Variants in LRRC74A observed in about 807,000 individuals in gnomAD.
The protein encoded by LRRC74A is leucine-rich repeat-containing protein 74A.
LRRC74A carries 44 observed loss-of-function variants against 57.9 expected under a neutral mutation model. The observed-to-expected ratio is 0.76, with a 90% CI of 0.60 to 0.98. The LOEUF is 0.98. Among genes scored for constraint, LRRC74A ranks in the 50% least tolerant of loss-of-function variants. The pLI is 0.00. For synonymous variants in LRRC74A, 211 were observed against 219.4 expected (o/e 0.96, Z 0.34); for missense variants, 572 against 574.0 (o/e 1.00, Z 0.04).
At chr14:76,831,478 C>A in intron 3 of LRRC74A, 103 bp downstream of exon 3, 1 of 1,248,844 alleles carries the variant, frequency 8.0e-7, no homozygotes, top group Non-Finnish European at 1.1e-6. Flanking sequence ...CCTAAACCCA[C>A]ACTTTATGCC....
intron 6 of LRRC74A, 129 bp downstream of exon 6, chr14:76,844,601 C>A: frequency 4.3e-6 from 4 of 940,044 alleles, no homozygotes; most frequent in Non-Finnish European, 6.6e-6. Context: ...GTGTTTAGAC[C>A]CTGCCAACCC....
chr14:76,847,097 C>T (rs1243346890), intron 7 of LRRC74A, among the ~76,000 whole-genome samples: 3 of 151,910 alleles, frequency 2.0e-5, no homozygotes, highest in Admixed American at 2.0e-4. Context: ...AGGAGGGAAA[C>T]CAGAAAAGCG....
intron 13 of LRRC74A, 84 bp from the exon 14 acceptor site, chr14:76,870,041 G>T (rs1176426447): frequency 6.8e-7 from 1 of 1,473,320 alleles, no homozygotes; most frequent in Non-Finnish European, 9.3e-7. Context: ...GTCTCCTTTG[G>T]ATTTAAGCCT....
At chr14:76,860,645 C>T (rs759563918) in intron 10 of LRRC74A, 48 bp from the exon 11 acceptor site, 49 of 1,531,568 alleles carry the variant, frequency 3.2e-5, no homozygotes, top group South Asian at 3.7e-5. Flanking sequence ...TGGGCAGGCA[C>T]GATGGCAGTG....
intron 2 of LRRC74A, among the ~76,000 whole-genome samples, chr14:76,829,915 T>A (rs1335398914): frequency 1.3e-5 from 2 of 152,122 alleles, no homozygotes; most frequent in South Asian, 2.1e-4. Flanking sequence ...TCACTTGCCA[T>A]GAGCTGTTTT....
intron 12 of LRRC74A, among the ~76,000 whole-genome samples, 172 bp from the exon 13 acceptor site, chr14:76,867,184 G>T (rs576621539): frequency 0.033 from 676 of 20,348 alleles, 62 homozygotes; most frequent in East Asian, 0.084. Flanking sequence ...AGTGTGTGTG[G>T]GGGAGTGTGT....
chr14:76,860,541 G>A (rs770939457), intron 10 of LRRC74A, among the ~76,000 whole-genome samples, 152 bp from the exon 11 acceptor site: 4 of 152,092 alleles, frequency 2.6e-5, no homozygotes, highest in South Asian at 2.1e-4. Context: ...TAAAATACCC[G>A]AACTATCCCA....
At chr14:76,828,149 A>C in intron 1 of LRRC74A, 142 bp from the exon 2 acceptor site, 1 of 1,087,314 alleles carries the variant, frequency 9.2e-7, no homozygotes, top group Non-Finnish European at 1.3e-6. Context: ...TGTAGAGTGG[A>C]CTTGCCCTGG....
At chr14:76,837,233 A>G (rs1262206644) in intron 4 of LRRC74A, among the ~76,000 whole-genome samples, 2 of 152,224 alleles carry the variant, frequency 1.3e-5, no homozygotes, top group Non-Finnish European at 2.9e-5. Context: ...CATAAAAGAC[A>G]ATGTGCCTAG....
chr14:76,870,168 A>G lies in LRRC74A; in HGVS notation c.*19A>G. 1 of 1,609,158 alleles carries G rather than the reference A, an allele frequency of 6.2e-7. No homozygotes were observed. Among genetic ancestry groups the G allele is most frequent in the South Asian group, 1.1e-5 (1 of 89,866 alleles). On this transcript the variant is annotated 3_prime_UTR_variant, in exon 14 of 14. Coordinates refer to ENST00000689127, the MANE Select transcript of LRRC74A (RefSeq NM_001385106.1). ...GCCATAGCAACAAGTCTGGTCTAGA[A>G]AGAAGTCTCGGCGAGAGGAGTCCTC...
intron 9 of LRRC74A, among the ~76,000 whole-genome samples, 187 bp from the exon 10 acceptor site, chr14:76,857,181 AATGGATGGATGG>A (rs563796194): frequency 7.7e-6 from 1 of 130,314 alleles, no homozygotes; most frequent in Admixed American, 8.2e-5. Context: ...TGGATGGATG[AATGGATGGATGG>A]ATGGATGGAT....
intron 11 of LRRC74A, 67 bp from the exon 12 acceptor site, chr14:76,865,901 G>T: frequency 1.6e-6 from 2 of 1,249,796 alleles, no homozygotes; most frequent in Non-Finnish European, 2.3e-6. Context: ...TTGTGGGAGG[G>T]AAGGGGGACC....
intron 5 of LRRC74A, among the ~76,000 whole-genome samples, chr14:76,840,774 G>A (rs867168307): frequency 2.1e-3 from 319 of 151,632 alleles, no homozygotes; most frequent in African/African-American, 7.3e-3. Context: ...TAGTAGAGAC[G>A]GGGTTTCACC....
intron 8 of LRRC74A, among the ~76,000 whole-genome samples, chr14:76,852,838 C>T (rs972693124): frequency 2.0e-5 from 3 of 152,058 alleles, no homozygotes; most frequent in African/African-American, 7.2e-5. Flanking sequence ...AGGCTGGTCT[C>T]GAACTCCTGA....
intron 7 of LRRC74A, among the ~76,000 whole-genome samples, chr14:76,846,655 G>T (rs905953625): frequency 8.5e-5 from 13 of 152,142 alleles, no homozygotes; most frequent in African/African-American, 3.1e-4. Flanking sequence ...AAGCCAAAAG[G>T]ACTTGCTGAT....
At chr14:76,858,433 T>C in intron 10 of LRRC74A, among the ~76,000 whole-genome samples, 1 of 152,180 alleles carries the variant, frequency 6.6e-6, no homozygotes, top group Non-Finnish European at 1.5e-5. Context: ...TCTTATTAGA[T>C]TAGTACCCAC....
intron 2 of LRRC74A, among the ~76,000 whole-genome samples, chr14:76,830,917 G>A (rs141527526): frequency 4.5e-4 from 69 of 152,354 alleles, no homozygotes; most frequent in African/African-American, 1.5e-3. Context: ...ACCTGGGCAG[G>A]TGGGGTGAAG....
intron 9 of LRRC74A, among the ~76,000 whole-genome samples, chr14:76,856,444 G>A (rs1238404129): frequency 6.6e-6 from 1 of 152,258 alleles, no homozygotes; most frequent in African/African-American, 2.4e-5. Context: ...ATGTCTGCCT[G>A]TGTGTCCCTC....
intron 11 of LRRC74A, 25 bp downstream of exon 11, chr14:76,860,864 G>A (rs1323556849): frequency 1.3e-6 from 2 of 1,562,196 alleles, no homozygotes; most frequent in Non-Finnish European, 8.7e-7. Flanking sequence ...TCCTCTCAGG[G>A]CCTCCAGGGA....
Sources: gnomAD v4.1 joint callset for allele counts (sites outside exome capture counted in the v4.1 genomes callset) on GRCh38, gnomAD v4.1.1 for gene constraint, MANE v1.5 for transcripts, NCBI Gene and HGNC (gene_info 2026-07-23, HGNC 2026-07-21) for gene names.